PDE4D: variants seen among roughly 807,000 people sequenced by gnomAD.
PDE4D encodes 3',5'-cyclic-AMP phosphodiesterase 4D.
A neutral mutation model predicts 87.4 loss-of-function variants in PDE4D; 24 were observed. The observed-to-expected ratio is 0.27, with a 90% CI of 0.20 to 0.39. The LOEUF (loss-of-function observed/expected upper bound fraction) is 0.39. Among genes scored for constraint, PDE4D ranks in the 10% least tolerant of loss-of-function variants. PDE4D has a pLI of 1.00. For missense variants in PDE4D, 714 were observed against 1,041.0 expected, an observed-to-expected ratio of 0.69 and a Z score of 4.32; for synonymous variants, 384 against 383.2, an observed-to-expected ratio of 1.00 and a Z score of -0.02.
intron 1 of PDE4D, among the ~76,000 whole-genome samples, chr5:60,520,442 C>A (rs1468513249): frequency 6.6e-6 from 1 of 152,220 alleles, no homozygotes; most frequent in Non-Finnish European, 1.5e-5. Context: ...TCTCTCAGCT[C>A]CTCACTTTGG....
intron 1 of PDE4D, among the ~76,000 whole-genome samples, chr5:60,352,830 T>G (rs1201390620): frequency 6.6e-6 from 1 of 152,170 alleles, no homozygotes; most frequent in African/African-American, 2.4e-5. Context: ...TGTGATGGAT[T>G]TGAAAAAGAC....
At chr5:59,403,142 T>C (rs1407365818) in intron 1 of PDE4D, among the ~76,000 whole-genome samples, 23 of 149,998 alleles carry the variant, frequency 1.5e-4, no homozygotes, top group Non-Finnish European at 2.7e-4. Flanking sequence ...GGTAGGTAGG[T>C]AGACAGACAG....
intron 1 of PDE4D, among the ~76,000 whole-genome samples, chr5:59,503,085 C>T (rs1351756128): frequency 1.3e-5 from 2 of 151,956 alleles, no homozygotes; most frequent in African/African-American, 4.8e-5. Flanking sequence ...TTAAAGAGGG[C>T]TTGCTGTGGA....
intron 1 of PDE4D, among the ~76,000 whole-genome samples, chr5:59,593,890 T>C (rs963456416): frequency 3.3e-5 from 5 of 152,114 alleles, no homozygotes; most frequent in Non-Finnish European, 7.4e-5. Context: ...GGAGAAAAAT[T>C]CTCTCATGCT....
chr5:60,497,788 T>A (rs1370855622), intron 1 of PDE4D, among the ~76,000 whole-genome samples: 3 of 152,192 alleles, frequency 2.0e-5, no homozygotes, highest in African/African-American at 7.2e-5. Context: ...TAATTGCAAG[T>A]GCTTTCTCCC....
At chr5:59,472,074 A>C (rs139849509) in intron 1 of PDE4D, among the ~76,000 whole-genome samples, 4 of 152,318 alleles carry the variant, frequency 2.6e-5, no homozygotes, top group African/African-American at 9.6e-5. Flanking sequence ...GGAAGAGCCA[A>C]TTTATGCAAA....
rs568837936 is a variant in PDE4D, at chr5:59,465,129, C to G, written c.456-249161G>C. ...AGTTGGCCTCTGCTCTCCTCTCTAG[C>G]CTCATCTCAAGTTACTGGCTTCCTG... is the stretch of plus-strand genomic sequence containing the variant. On this transcript the variant is annotated intron_variant, in intron 1 of 14. Coordinates refer to ENST00000340635, the MANE Select transcript of PDE4D (RefSeq NM_001104631.2). Among the ~76,000 whole-genome samples, 3 of 152,274 alleles carry G rather than the reference C, an allele frequency of 2.0e-5. No homozygotes were observed. In the East Asian group the frequency reaches 5.8e-4, roughly 29 times the overall value.
intron 1 of PDE4D, among the ~76,000 whole-genome samples, chr5:60,303,375 C>T (rs1206254676): frequency 6.9e-6 from 1 of 144,826 alleles, no homozygotes; most frequent in African/African-American, 2.6e-5. Flanking sequence ...GTGGCGCGAT[C>T]TCGGCTCACT....
chr5:59,839,493 G>T (rs1742660275), intron 1 of PDE4D, among the ~76,000 whole-genome samples: 2 of 151,064 alleles, frequency 1.3e-5, no homozygotes, highest in Non-Finnish European at 3.0e-5. Context: ...ATTCAATTTT[G>T]CTTTTGGAGG....
chr5:60,069,310 T>C (rs1256926171), intron 2 of PDE4D, among the ~76,000 whole-genome samples: 1 of 152,146 alleles, frequency 6.6e-6, no homozygotes, highest in Non-Finnish European at 1.5e-5. Flanking sequence ...CTGAGAGGAA[T>C]GCTTCACCTT....
chr5:59,025,119 T>C (rs552441333), intron 6 of PDE4D, among the ~76,000 whole-genome samples: 106 of 152,290 alleles, frequency 7.0e-4, no homozygotes, highest in Middle Eastern at 6.8e-3. Flanking sequence ...TTAGCCTCTT[T>C]TGTGAAATGG....
chr5:59,939,159 A>G (rs1028058160), intron 3 of PDE4D, among the ~76,000 whole-genome samples: 3 of 152,226 alleles, frequency 2.0e-5, no homozygotes, highest in African/African-American at 7.2e-5. Context: ...GTTAAAGCAC[A>G]AGAATGCAGT....
At chr5:60,108,442 A>G (rs546343179) in intron 2 of PDE4D, among the ~76,000 whole-genome samples, 197 of 152,340 alleles carry the variant, frequency 1.3e-3, no homozygotes, top group African/African-American at 4.5e-3. Context: ...GCCCAAGGTA[A>G]TTTAAAGATT....
chr5:59,129,139 A>G (rs1461557833), intron 5 of PDE4D, among the ~76,000 whole-genome samples: 1 of 152,228 alleles, frequency 6.6e-6, no homozygotes, highest in African/African-American at 2.4e-5. Flanking sequence ...GTGATATTTC[A>G]GGAATGTTTA....
In PDE4D at chr5:59,215,680, T is replaced by G. The variant is rs72765914; in HGVS notation, c.647+97A>C. The G allele has an allele frequency of 0.024, 24,044 of 984,704 alleles. 395 individuals are homozygous for G. Among genetic ancestry groups the G allele is most frequent in the Non-Finnish European group, 0.03 (18,866 of 625,244 alleles). 61.0% of individuals were successfully genotyped at this position (984,704 alleles called of 1,614,324 possible). On this transcript the variant is annotated intron_variant, in intron 2 of 14. Coordinates refer to ENST00000340635, the MANE Select transcript of PDE4D (RefSeq NM_001104631.2). ...ATATTCTTTCTACATTGGAGGAGAGTGATACAGTTGAACAAAAGTCATTAG... is the reference window on the plus strand; with the variant it reads ...ATATTCTTTCTACATTGGAGGAGAGGGATACAGTTGAACAAAAGTCATTAG...
chr5:59,760,364 G>T (rs1161584312), intron 1 of PDE4D, among the ~76,000 whole-genome samples: 1 of 152,090 alleles, frequency 6.6e-6, no homozygotes, highest in Non-Finnish European at 1.5e-5. Flanking sequence ...TTATTTTGTT[G>T]TTAAGATTGT....
At chr5:60,137,281 G>A (rs1487382043) in intron 2 of PDE4D, among the ~76,000 whole-genome samples, 4 of 152,128 alleles carry the variant, frequency 2.6e-5, no homozygotes, top group Non-Finnish European at 5.9e-5. Flanking sequence ...GTGTCTTTAT[G>A]ACAGAATGAT....
chr5:59,340,149 C>T (rs895550324), intron 1 of PDE4D, among the ~76,000 whole-genome samples: 1 of 152,082 alleles, frequency 6.6e-6, no homozygotes. Flanking sequence ...TAGAAACAAG[C>T]ACAGAGTGAA....
intron 3 of PDE4D, among the ~76,000 whole-genome samples, chr5:59,903,766 C>T (rs1473548911): frequency 6.6e-6 from 1 of 152,140 alleles, no homozygotes; most frequent in Admixed American, 6.5e-5. Flanking sequence ...ACAATGAAGA[C>T]TGCCAGTTTC....
Sources: allele counts gnomAD v4.1 joint callset (sites outside exome capture counted in the v4.1 genomes callset), GRCh38; gene constraint gnomAD v4.1.1; transcripts MANE v1.5; gene names NCBI Gene and HGNC (gene_info 2026-07-23, HGNC 2026-07-21).